The following LAMA2 variants were observed in gnomAD, a reference collection of about 807,000 sequenced individuals.
LAMA2 encodes the protein laminin subunit alpha-2.
Under a neutral mutation model 364.8 loss-of-function variants are expected in LAMA2, and 269 were observed. The observed-to-expected ratio is 0.74, with a 90% CI of 0.67 to 0.82. The LOEUF is 0.82. Ranked by LOEUF, LAMA2 falls within the 40% of genes least tolerant of loss-of-function variation. LAMA2 has a pLI of 0.00. For synonymous variants in LAMA2, 1,379 were observed against 1,370.6 expected (o/e 1.01, Z -0.14); for missense variants, 3,807 against 3,873.2 (o/e 0.98, Z 0.45).
At chr6:129,442,892 G>A in intron 43 of LAMA2, 171 bp from the exon 44 acceptor site, 2 of 575,142 alleles carry the variant, frequency 3.5e-6, no homozygotes, top group South Asian at 4.9e-5. Context: ...TATATATTTT[G>A]TGTACTTTTA....
chr6:128,988,875 A>G (rs1783433626), intron 1 of LAMA2, among the ~76,000 whole-genome samples: 1 of 152,206 alleles, frequency 6.6e-6, no homozygotes, highest in Non-Finnish European at 1.5e-5. Context: ...TAAATATGAA[A>G]TTATTCTTTC....
At chr6:129,297,619 G>T (rs1312000448) in intron 20 of LAMA2, 66 bp from the exon 21 acceptor site, 2 of 1,439,512 alleles carry the variant, frequency 1.4e-6, no homozygotes, top group African/African-American at 2.8e-5. Flanking sequence ...CTTTGGTATT[G>T]TGCATCTTGC....
chr6:129,358,356 T>C (rs981500723), intron 32 of LAMA2, among the ~76,000 whole-genome samples: 1 of 152,030 alleles, frequency 6.6e-6, no homozygotes, highest in Non-Finnish European at 1.5e-5. Context: ...AATTATCGTA[T>C]AGAGACAGCT....
intron 3 of LAMA2, among the ~76,000 whole-genome samples, chr6:129,075,913 A>G (rs1312687219): frequency 6.6e-6 from 1 of 151,914 alleles, no homozygotes; most frequent in African/African-American, 2.4e-5. Flanking sequence ...CCGGGCAACA[A>G]AGTGAGACCC....
At chr6:129,106,305 G>A (rs1048507426) in intron 4 of LAMA2, among the ~76,000 whole-genome samples, 1 of 152,046 alleles carries the variant, frequency 6.6e-6, no homozygotes, top group Admixed American at 6.6e-5. Context: ...ACAGGAGAAG[G>A]AAGACACAAA....
chr6:129,358,636 T>C (rs1007329359), intron 32 of LAMA2, among the ~76,000 whole-genome samples: 1 of 152,072 alleles, frequency 6.6e-6, no homozygotes, highest in African/African-American at 2.4e-5. Flanking sequence ...GCTTGCAATT[T>C]GTGTGACATT....
At chr6:129,083,968 A>G (rs569676256) in intron 3 of LAMA2, among the ~76,000 whole-genome samples, 6 of 152,338 alleles carry the variant, frequency 3.9e-5, no homozygotes, top group Admixed American at 1.3e-4. Flanking sequence ...TGCAAACTGC[A>G]CCGCAGGTGT....
At chr6:129,342,223 G>A in intron 29 of LAMA2, 120 bp from the exon 30 acceptor site, 1 of 774,532 alleles carries the variant, frequency 1.3e-6, no homozygotes, top group South Asian at 1.4e-5. Context: ...GTGTGAGTGT[G>A]TGTGTGTAAG....
chr6:129,359,317 C>T (rs1777330316), intron 32 of LAMA2, among the ~76,000 whole-genome samples: 1 of 148,906 alleles, frequency 6.7e-6, no homozygotes, highest in Non-Finnish European at 1.5e-5. Context: ...ATATAAAACA[C>T]ATATCATAAA....
At chr6:129,031,446 A>G (rs1786215256) in intron 1 of LAMA2, among the ~76,000 whole-genome samples, 1 of 152,190 alleles carries the variant, frequency 6.6e-6, no homozygotes, top group Admixed American at 6.5e-5. Context: ...TAGTCAATCA[A>G]ACTCCTAATT....
chr6:128,986,526 T>C (rs1362585511), intron 1 of LAMA2, among the ~76,000 whole-genome samples: 1 of 152,160 alleles, frequency 6.6e-6, no homozygotes, highest in Admixed American at 6.5e-5. Flanking sequence ...AATTTCATAT[T>C]TGTATCTTTT....
chr6:129,052,053 C>T (rs1788090204), intron 2 of LAMA2, among the ~76,000 whole-genome samples: 2 of 150,840 alleles, frequency 1.3e-5, no homozygotes, highest in South Asian at 4.2e-4. Flanking sequence ...AACGTGAATA[C>T]TTAATGCCAA....
Position 128,907,514 on chromosome 6 carries a change from T to C in LAMA2, c.112+24157T>C, listed in dbSNP as rs536829419. On this transcript the variant is annotated intron_variant, in intron 1 of 64. Transcript: ENST00000421865. Reference sequence around the variant, plus strand: ...CCTGAGACTTTGCTGAAGTTGCTTATCAGCTTAAGGAGATTTTGGACTGAG... The same window carrying C: ...CCTGAGACTTTGCTGAAGTTGCTTACCAGCTTAAGGAGATTTTGGACTGAG... Among the ~76,000 whole-genome samples the C allele has an allele frequency of 6.5e-3, 993 of 152,236 alleles. 10 individuals are homozygous for C. The highest frequency in any genetic ancestry group is 0.023 in the African/African-American group (960 of 41,516).
intron 1 of LAMA2, among the ~76,000 whole-genome samples, chr6:128,994,181 A>G (rs1783779168): frequency 6.6e-6 from 1 of 152,236 alleles, no homozygotes; most frequent in Non-Finnish European, 1.5e-5. Flanking sequence ...TTGTGAGAAA[A>G]GCAGAGAATG....
At chr6:129,310,069 T>C (rs989090793) in intron 22 of LAMA2, among the ~76,000 whole-genome samples, 3 of 151,398 alleles carry the variant, frequency 2.0e-5, no homozygotes, top group Admixed American at 6.6e-5. Context: ...CCGGCTAATT[T>C]TTTGTATTTT....
chr6:129,006,757 A>G (rs17780567), intron 1 of LAMA2, among the ~76,000 whole-genome samples: 1 of 152,060 alleles, frequency 6.6e-6, no homozygotes, highest in Admixed American at 6.6e-5. Flanking sequence ...ACTTGTAATC[A>G]GGAAGACATC....
chr6:128,910,947 TC>T (rs1368115204), intron 1 of LAMA2, among the ~76,000 whole-genome samples: 1 of 151,466 alleles, frequency 6.6e-6, no homozygotes, highest in Non-Finnish European at 1.5e-5. Flanking sequence ...GTTAGGCTGC[TC>T]GGGGGTCAGG....
At chr6:129,127,356 AT>A (rs1341439060) in intron 4 of LAMA2, among the ~76,000 whole-genome samples, 1 of 152,122 alleles carries the variant, frequency 6.6e-6, no homozygotes, top group African/African-American at 2.4e-5. Flanking sequence ...AAATGACAGA[AT>A]TTTCTTTTTT....
chr6:129,418,274 T>C (rs765335746), intron 40 of LAMA2, among the ~76,000 whole-genome samples: 14 of 152,064 alleles, frequency 9.2e-5, no homozygotes, highest in Non-Finnish European at 1.8e-4. Context: ...AGCAGAAATA[T>C]GGATATCCCT....
Sources: allele counts gnomAD v4.1 joint callset (sites outside exome capture counted in the v4.1 genomes callset), GRCh38; gene constraint gnomAD v4.1.1; transcripts MANE v1.5; gene names NCBI Gene and HGNC (gene_info 2026-07-23, HGNC 2026-07-21).